Variants in ACOXL observed in about 807,000 individuals in gnomAD.
ACOXL encodes the protein acyl-CoA oxidase like.
Under a neutral mutation model 71.9 loss-of-function variants are expected in ACOXL, and 70 were observed. The observed-to-expected ratio is 0.97, with a 90% CI of 0.80 to 1.19. The LOEUF is 1.19. Ranked by LOEUF, ACOXL falls within the 50% of genes most tolerant of loss-of-function variation. The pLI is 0.00. For synonymous variants in ACOXL, 253 were observed against 281.6 expected (o/e 0.90, Z 1.02); for missense variants, 703 against 736.3 (o/e 0.95, Z 0.52).
At chr2:110,963,702 G>A (rs748992134) in intron 12 of ACOXL, 2 of 1,613,794 alleles carry the variant, frequency 1.2e-6, no homozygotes, top group Admixed American at 1.7e-5. Flanking sequence ...TGACGATGTT[G>A]TTATGCTTCA....
At chr2:110,887,580 G>A (rs944576178) in intron 10 of ACOXL, 1 of 152,360 alleles carries the variant, frequency 6.6e-6, no homozygotes, top group Non-Finnish European at 1.5e-5. Flanking sequence ...ACAGCCACCT[G>A]AGTAGCTGGA....
At chr2:110,921,227 G>A (rs79545457) in intron 11 of ACOXL, among the ~76,000 whole-genome samples, 3,618 of 151,944 alleles carry the variant, frequency 0.024, 164 homozygotes, top group African/African-American at 0.084. Flanking sequence ...TTGGATAGAG[G>A]CCTATCAATT....
intron 10 of ACOXL, among the ~76,000 whole-genome samples, chr2:110,895,665 A>AAGAGAG (rs1316509748): frequency 8.3e-6 from 1 of 120,062 alleles, no homozygotes; most frequent in Non-Finnish European, 1.9e-5. Context: ...TCTTGAAAAC[A>AAGAGAG]ATAGAGAGAG....
intron 14 of ACOXL, among the ~76,000 whole-genome samples, chr2:110,999,248 T>G (rs1242237124): frequency 1.3e-5 from 2 of 152,086 alleles, no homozygotes; most frequent in African/African-American, 4.8e-5. Context: ...ACCCCTGGTG[T>G]CCTTCTTCTT....
chr2:110,734,104 T>C (rs968877740), intron 1 of ACOXL, among the ~76,000 whole-genome samples: 1 of 152,258 alleles, frequency 6.6e-6, no homozygotes, highest in South Asian at 2.1e-4. Context: ...CTCTTCTTGC[T>C]AACTTTTTTT....
chr2:110,994,026 C>A (rs2063289780), intron 13 of ACOXL, among the ~76,000 whole-genome samples: 1 of 152,160 alleles, frequency 6.6e-6, no homozygotes, highest in East Asian at 1.9e-4. Context: ...TGGGCAGGCT[C>A]CTAGACCTAC....
intron 10 of ACOXL, among the ~76,000 whole-genome samples, chr2:110,869,649 C>T (rs1391242625): frequency 6.6e-6 from 1 of 152,180 alleles, no homozygotes; most frequent in African/African-American, 2.4e-5. Context: ...CCCAGGTGAC[C>T]CTCCCCTTAT....
chr2:111,071,558 A>C (rs1406072827), intron 16 of ACOXL, among the ~76,000 whole-genome samples: 1 of 152,220 alleles, frequency 6.6e-6, no homozygotes, highest in African/African-American at 2.4e-5. Flanking sequence ...CAAGTGGCTA[A>C]AGTCTGAGGC....
intron 16 of ACOXL, among the ~76,000 whole-genome samples, chr2:111,070,364 T>A (rs2067284377): frequency 6.6e-6 from 1 of 152,130 alleles, no homozygotes; most frequent in Admixed American, 6.5e-5. Context: ...GGAACATGGA[T>A]GGAGCTGGAG....
At chr2:110,890,154 T>G (rs1019806746) in intron 10 of ACOXL, among the ~76,000 whole-genome samples, 5 of 152,310 alleles carry the variant, frequency 3.3e-5, no homozygotes, top group South Asian at 2.1e-4. Context: ...AATTTTGTTA[T>G]TGATCTTTTT....
intron 12 of ACOXL, among the ~76,000 whole-genome samples, chr2:110,957,421 A>G (rs1574277782): frequency 6.6e-6 from 1 of 152,138 alleles, no homozygotes; most frequent in African/African-American, 2.4e-5. Flanking sequence ...CACACGCTGT[A>G]TTTGTCTGTG....
chr2:111,033,677 C>T (rs1035252703), intron 15 of ACOXL, among the ~76,000 whole-genome samples: 2 of 152,088 alleles, frequency 1.3e-5, no homozygotes, highest in Admixed American at 6.5e-5. Context: ...TCAGATTTGC[C>T]GATCGGGTTG....
chr2:111,005,913 T>G (rs1842981), intron 14 of ACOXL, among the ~76,000 whole-genome samples: 13 of 152,076 alleles, frequency 8.5e-5, no homozygotes, highest in African/African-American at 2.9e-4. Context: ...TGAGACATTG[T>G]GGGTAGGGAC....
intron 11 of ACOXL, among the ~76,000 whole-genome samples, chr2:110,926,293 A>G (rs2060268521): frequency 6.6e-6 from 1 of 152,250 alleles, no homozygotes; most frequent in Non-Finnish European, 1.5e-5. Context: ...CAAGGCCTCA[A>G]TTTTTAAAAA....
chr2:111,062,526 C>T (rs929698656), intron 16 of ACOXL, among the ~76,000 whole-genome samples: 2 of 152,002 alleles, frequency 1.3e-5, no homozygotes, highest in Non-Finnish European at 2.9e-5. Flanking sequence ...TTTTCAAGTG[C>T]CCAAGAACAT....
At chr2:111,053,500 T>C (rs1195448962) in intron 16 of ACOXL, among the ~76,000 whole-genome samples, 1 of 152,088 alleles carries the variant, frequency 6.6e-6, no homozygotes, top group Non-Finnish European at 1.5e-5. Flanking sequence ...GGCCAAAGCC[T>C]CTCCCTCAAT....
At chr2:110,986,010 A>C (rs1375775086) in intron 12 of ACOXL, among the ~76,000 whole-genome samples, 1 of 152,232 alleles carries the variant, frequency 6.6e-6, no homozygotes, top group African/African-American at 2.4e-5. Context: ...GAAATAATAC[A>C]AAATATGACT....
chr2:111,048,876 C>T (rs971793968), intron 15 of ACOXL, among the ~76,000 whole-genome samples: 11 of 152,186 alleles, frequency 7.2e-5, no homozygotes, highest in Admixed American at 1.3e-4. Flanking sequence ...GTGGAGTCTT[C>T]TCAATGAAGG....
chr2:111,016,047 GTCA>G (rs947604997), intron 14 of ACOXL, among the ~76,000 whole-genome samples: 1 of 151,956 alleles, frequency 6.6e-6, no homozygotes, highest in Non-Finnish European at 1.5e-5. Flanking sequence ...ATCCTCCTGC[GTCA>G]GCCTCCTGAG....
Sources: gnomAD v4.1 joint callset for allele counts (sites outside exome capture counted in the v4.1 genomes callset) on GRCh38, gnomAD v4.1.1 for gene constraint, MANE v1.5 for transcripts, NCBI Gene and HGNC (gene_info 2026-07-23, HGNC 2026-07-21) for gene names.